BCKDHB: variants seen among roughly 807,000 people sequenced by gnomAD.
BCKDHB encodes 2-oxoisovalerate dehydrogenase subunit beta, mitochondrial.
BCKDHB carries 41 observed loss-of-function variants against 48.5 expected under a neutral mutation model. The ratio of observed to expected loss-of-function variants is 0.85; its 90% confidence interval spans 0.66 to 1.10. BCKDHB has a LOEUF of 1.10. BCKDHB is among the 50% of genes least tolerant of loss of function. BCKDHB has a pLI of 0.00. For synonymous variants in BCKDHB, 201 were observed against 174.8 expected (o/e 1.15, Z -1.18); for missense variants, 496 against 494.2 (o/e 1.00, Z -0.03).
chr6:80,351,861 G>T, the BCKDHB span, among the ~76,000 whole-genome samples: 2 of 136,676 alleles, frequency 1.5e-5, no homozygotes, highest in African/African-American at 2.7e-5. Flanking sequence ...CGCTCTTGTT[G>T]CCCAGGCTGG....
chr6:80,279,093 C>G (rs147194444), intron 9 of BCKDHB, among the ~76,000 whole-genome samples: 2 of 152,206 alleles, frequency 1.3e-5, no homozygotes, highest in African/African-American at 4.8e-5. Context: ...TATTTCTCTT[C>G]AACTTTTTCT....
chr6:80,203,129 A>G lies in BCKDHB; in HGVS notation c.868A>G (p.Met290Val). 2.5e-6 allele frequency: 4 copies of G among 1,612,876 alleles called. No homozygotes were observed. Among genetic ancestry groups the G allele is most frequent in the East Asian group, 2.2e-5 (1 of 44,826 alleles). Residue 290 changes from methionine to valine, a missense_variant, in exon 8 of 10, where the codon ATG becomes GTG. Transcript: ENST00000320393. ...QVHVIREVAS[M>V]AKEKLGVSCE... ...TCATGTGATCCGAGAGGTAGCTTCCATGGCAAAAGAAAAGCTTGGAGTGTC... is the reference window on the plus strand; with the variant it reads ...TCATGTGATCCGAGAGGTAGCTTCCGTGGCAAAAGAAAAGCTTGGAGTGTC...
intron 8 of BCKDHB, among the ~76,000 whole-genome samples, chr6:80,227,795 T>A (rs952428412): frequency 6.6e-6 from 1 of 152,214 alleles, no homozygotes. Context: ...TTAAAAATTA[T>A]AATAATCTAC....
chr6:80,220,318 T>TTTG lies in BCKDHB; in HGVS notation c.951+17108_951+17110dup, dbSNP rs1554197738. On this transcript the variant is annotated intron_variant, in intron 8 of 9. Transcript: ENST00000320393. ...TCATGCTATTTGTTTTTTTTTTTTT[T>TTTG]TTGTCATGTATTTTCCTTCAGTTGT... 5.5e-4 allele frequency among the ~76,000 whole-genome samples: 82 copies of TTTG among 148,940 alleles called. 1 individual carries two copies. Among genetic ancestry groups the TTTG allele is most frequent in the African/African-American group, 1.9e-3 (76 of 41,080 alleles).
chr6:80,306,127 C>T (rs1311129667), intron 9 of BCKDHB, among the ~76,000 whole-genome samples: 3 of 152,188 alleles, frequency 2.0e-5, no homozygotes, highest in Non-Finnish European at 4.4e-5. Flanking sequence ...AGTATTAGCT[C>T]TTCTTTTCAT....
rs398124573 is a variant in BCKDHB, at chr6:80,129,228, T to G, written c.342T>G (p.Tyr114Ter). 1.5e-5 allele frequency: 24 copies of G among 1,607,824 alleles called. No homozygotes were observed. Among genetic ancestry groups the G allele is most frequent in the Non-Finnish European group, 2.0e-5 (23 of 1,174,944 alleles). The part of the protein sequence containing the change: ...FRCTVGLRDK[Y>*]GKDRVFNTPL... ...GCACTGTTGGCTTGCGAGACAAATA[T>G]GGTAAGTAAATACCTATATGAATAG... The change falls in exon 3 of 10, where the codon TAT (tyrosine) becomes TAG (stop). Residue 114 changes from tyrosine to a stop codon, truncating the protein, a stop_gained and splice_region_variant. Transcript: ENST00000320393. LOFTEE classifies it high-confidence loss of function.
intron 5 of BCKDHB, 124 bp from the exon 6 acceptor site, chr6:80,171,153 TTAAAA>T: frequency 1.6e-6 from 1 of 619,632 alleles, no homozygotes. Flanking sequence ...ATAATTAGGC[TTAAAA>T]TAAATAGCCA....
the BCKDHB span, among the ~76,000 whole-genome samples, chr6:80,393,207 C>A: frequency 6.6e-6 from 1 of 152,116 alleles, no homozygotes; most frequent in Non-Finnish European, 1.5e-5. Context: ...ATATAGCTAT[C>A]ACTAATTCAT....
chr6:80,351,386 T>C, the BCKDHB span, among the ~76,000 whole-genome samples: 2 of 152,152 alleles, frequency 1.3e-5, no homozygotes, highest in African/African-American at 4.8e-5. Context: ...AGGGCAACTT[T>C]TCTTCATTTC....
chr6:80,462,250 C>T, the BCKDHB span, among the ~76,000 whole-genome samples: 1 of 152,112 alleles, frequency 6.6e-6, no homozygotes, highest in African/African-American at 2.4e-5. Context: ...TGCCTATTTA[C>T]TTATCTTTCT....
intron 9 of BCKDHB, among the ~76,000 whole-genome samples, chr6:80,335,245 A>AAGAAG (rs1769522508): frequency 2.8e-5 from 3 of 105,760 alleles, no homozygotes; most frequent in African/African-American, 8.1e-5. Flanking sequence ...AAAAAAAAAA[A>AAGAAG]AAGAAGAAAA....
intron 3 of BCKDHB, among the ~76,000 whole-genome samples, chr6:80,142,872 A>T (rs1282304921): frequency 2.0e-5 from 3 of 151,922 alleles, no homozygotes; most frequent in Non-Finnish European, 4.4e-5. Context: ...TTATGAAAAA[A>T]TTTTTTTCTC....
chr6:80,460,873 C>T, the BCKDHB span, among the ~76,000 whole-genome samples: 8 of 152,224 alleles, frequency 5.3e-5, no homozygotes, highest in African/African-American at 1.7e-4. Flanking sequence ...GAAAGTCTTC[C>T]TTCTCTGTGA....
chr6:80,448,202 G>A, the BCKDHB span, among the ~76,000 whole-genome samples: 1 of 152,128 alleles, frequency 6.6e-6, no homozygotes, highest in Admixed American at 6.5e-5. Context: ...ACTTTTGTAT[G>A]TTGGAGGAAT....
At chr6:80,354,860 A>G in the BCKDHB span, among the ~76,000 whole-genome samples, 10 of 152,150 alleles carry the variant, frequency 6.6e-5, no homozygotes, top group Non-Finnish European at 1.2e-4. Flanking sequence ...CCATTAATCT[A>G]TGTGTCTGGT....
the BCKDHB span, among the ~76,000 whole-genome samples, chr6:80,411,766 T>C: frequency 6.6e-6 from 1 of 152,240 alleles, no homozygotes; most frequent in Non-Finnish European, 1.5e-5. Flanking sequence ...TGTGACCCAC[T>C]AAGCCAGGCA....
At chr6:80,136,122 A>G (rs530096634) in intron 3 of BCKDHB, among the ~76,000 whole-genome samples, 6 of 152,182 alleles carry the variant, frequency 3.9e-5, no homozygotes, top group South Asian at 4.1e-4. Context: ...TAAGACTGCT[A>G]TAAATACTGA....
At chr6:80,402,236 A>G in the BCKDHB span, among the ~76,000 whole-genome samples, 1 of 151,888 alleles carries the variant, frequency 6.6e-6, no homozygotes, top group Non-Finnish European at 1.5e-5. Flanking sequence ...TCCTGCCAAC[A>G]GTGTACAAGG....
chr6:80,421,749 T>G, the BCKDHB span, among the ~76,000 whole-genome samples: 1 of 152,188 alleles, frequency 6.6e-6, no homozygotes, highest in Non-Finnish European at 1.5e-5. Context: ...TTAGGGTATC[T>G]GGTGGAAGAA....
Sources: gnomAD v4.1 joint callset for allele counts (sites outside exome capture counted in the v4.1 genomes callset) on GRCh38, gnomAD v4.1.1 for gene constraint, MANE v1.5 for transcripts, NCBI Gene and HGNC (gene_info 2026-07-23, HGNC 2026-07-21) for gene names.